Variants in DHX15 observed in about 807,000 individuals in gnomAD.
The protein encoded by DHX15 is DEAH-box helicase 15, also known as ATP-dependent RNA helicase DHX15.
In DHX15, 11 loss-of-function variants were observed where a neutral mutation model predicts 94.4. That is an observed-to-expected ratio of 0.12 (90% CI 0.07 to 0.19). The LOEUF is 0.19. Among genes scored for constraint, DHX15 ranks in the 10% least tolerant of loss-of-function variants. DHX15 has a pLI of 1.00. For missense variants in DHX15, 304 were observed against 988.5 expected, an observed-to-expected ratio of 0.31 and a Z score of 9.29; for synonymous variants, 338 against 329.9, an observed-to-expected ratio of 1.02 and a Z score of -0.27.
At chr4:24,571,902 A>G (rs1722129742) in intron 2 of DHX15, among the ~76,000 whole-genome samples, 1 of 152,236 alleles carries the variant, frequency 6.6e-6, no homozygotes, top group Non-Finnish European at 1.5e-5. Context: ...ACTTTAAATG[A>G]ACAAAAATAA....
At chr4:24,534,226 C>G (rs965178721) in intron 11 of DHX15, 9 of 152,156 alleles carry the variant, frequency 5.9e-5, no homozygotes, top group African/African-American at 1.7e-4. Flanking sequence ...GGAGCTGAAA[C>G]AGCACACCTT....
intron 10 of DHX15, chr4:24,538,224 T>C (rs1430849942): frequency 6.6e-6 from 1 of 152,184 alleles, no homozygotes; most frequent in African/African-American, 2.4e-5. Flanking sequence ...AAAAAATTCA[T>C]AAATTATCGG....
At chr4:24,578,646 A>G (rs779894850) in intron 1 of DHX15, among the ~76,000 whole-genome samples, 2 of 152,098 alleles carry the variant, frequency 1.3e-5, no homozygotes, top group Middle Eastern at 3.2e-3. Flanking sequence ...GCTCACTGCA[A>G]TATCAAACTT....
chr4:24,538,057 T>C (rs1470549596), intron 10 of DHX15: 1 of 152,212 alleles, frequency 6.6e-6, no homozygotes, highest in Non-Finnish European at 1.5e-5. Flanking sequence ...CATAAAACTT[T>C]AAATTGTTAC....
At chr4:24,543,119 G>T in intron 6 of DHX15, 93 bp from the exon 7 acceptor site, 3 of 767,722 alleles carry the variant, frequency 3.9e-6, no homozygotes, top group South Asian at 2.1e-5. Flanking sequence ...CTGACACAAG[G>T]AATTTCAAGC....
At chr4:24,550,448 A>C (rs553696228) in intron 5 of DHX15, among the ~76,000 whole-genome samples, 2 of 152,320 alleles carry the variant, frequency 1.3e-5, no homozygotes, top group African/African-American at 4.8e-5. Context: ...ATGGCTGTGC[A>C]AAAGTATTTT....
At chr4:24,547,166 A>C (rs1015756162) in intron 6 of DHX15, among the ~76,000 whole-genome samples, 1 of 152,210 alleles carries the variant, frequency 6.6e-6, no homozygotes, top group Non-Finnish European at 1.5e-5. Context: ...TCTAAGATGA[A>C]ATTGACTCAA....
At chr4:24,576,986 G>A (rs1722283011) in intron 1 of DHX15, among the ~76,000 whole-genome samples, 1 of 152,068 alleles carries the variant, frequency 6.6e-6, no homozygotes, top group South Asian at 2.1e-4. Context: ...AGATACTGAG[G>A]GTAGGATGAA....
intron 3 of DHX15, among the ~76,000 whole-genome samples, chr4:24,563,763 G>A (rs73246471): frequency 7.6e-4 from 116 of 152,196 alleles, no homozygotes; most frequent in Non-Finnish European, 1.4e-3. Flanking sequence ...GATAGTTGCT[G>A]TTTCAAAAAG....
intron 6 of DHX15, among the ~76,000 whole-genome samples, chr4:24,547,903 G>GTATATATA (rs869194543): frequency 2.8e-5 from 2 of 70,750 alleles, no homozygotes; most frequent in African/African-American, 1.2e-4. Flanking sequence ...GTATGTATGT[G>GTATATATA]TATATATATA....
intron 3 of DHX15, among the ~76,000 whole-genome samples, chr4:24,560,685 C>T (rs181923248): frequency 6.6e-6 from 1 of 151,816 alleles, no homozygotes; most frequent in Non-Finnish European, 1.5e-5. Flanking sequence ...TTTATAATAC[C>T]GCATATTTGG....
chr4:24,541,779 A>C, intron 8 of DHX15, 94 bp downstream of exon 8: 1 of 1,292,144 alleles, frequency 7.7e-7, no homozygotes. Context: ...TAATCCTAAA[A>C]GGCAAGATTA....
chr4:24,545,708 C>CTA (rs1287595096), intron 6 of DHX15, among the ~76,000 whole-genome samples: 1 of 152,204 alleles, frequency 6.6e-6, no homozygotes, highest in Non-Finnish European at 1.5e-5. Flanking sequence ...AAGCCCTAAC[C>CTA]ATGTTCTAAT....
intron 2 of DHX15, among the ~76,000 whole-genome samples, chr4:24,573,003 A>G (rs1722157682): frequency 6.6e-6 from 1 of 152,054 alleles, no homozygotes; most frequent in Admixed American, 6.5e-5. Context: ...CTCCACCTCC[A>G]GGGTTCAAGT....
chr4:24,575,727 T>G (rs754231112), intron 2 of DHX15, among the ~76,000 whole-genome samples: 33 of 152,184 alleles, frequency 2.2e-4, no homozygotes, highest in Non-Finnish European at 4.4e-5. Flanking sequence ...GGGGTCTAGT[T>G]AATAATAGCC....
intron 12 of DHX15, 51 bp from the exon 13 acceptor site, chr4:24,529,821 T>A (rs778222009): frequency 6.4e-7 from 1 of 1,573,842 alleles, no homozygotes; most frequent in African/African-American, 1.4e-5. Context: ...GACTTGCTAG[T>A]TGTAAAGCTA....
At chr4:24,557,191 C>T (rs1391311783) in intron 3 of DHX15, among the ~76,000 whole-genome samples, 1 of 152,142 alleles carries the variant, frequency 6.6e-6, no homozygotes, top group Non-Finnish European at 1.5e-5. Context: ...GATTGTATAA[C>T]TTTGCAGGGG....
At chr4:24,554,985 T>G in intron 4 of DHX15, 42 bp from the exon 5 acceptor site, 1 of 1,493,930 alleles carries the variant, frequency 6.7e-7, no homozygotes, top group Non-Finnish European at 9.3e-7. Flanking sequence ...TCTTCAAGGA[T>G]TCTTACATGG....
chr4:24,530,033 C>T, intron 12 of DHX15: 1 of 516,640 alleles, frequency 1.9e-6, no homozygotes. Context: ...ATACAAAAAA[C>T]ATTCCGTGAA....
Sources: allele counts gnomAD v4.1 joint callset (sites outside exome capture counted in the v4.1 genomes callset), GRCh38; gene constraint gnomAD v4.1.1; transcripts MANE v1.5; gene names NCBI Gene and HGNC (gene_info 2026-07-23, HGNC 2026-07-21).